The following DROSHA variants were observed in gnomAD, a reference collection of about 807,000 sequenced individuals.
The protein encoded by DROSHA is ribonuclease 3.
In DROSHA, 56 loss-of-function variants were observed where a neutral mutation model predicts 181.9. The observed-to-expected ratio is 0.31, with a 90% confidence interval of 0.25 to 0.38. The LOEUF (loss-of-function observed/expected upper bound fraction) is 0.38. Ranked by LOEUF, DROSHA falls within the 10% of genes least tolerant of loss-of-function variation. The pLI is 1.00. For synonymous variants in DROSHA, 524 were observed against 591.2 expected (o/e 0.89, Z 1.65); for missense variants, 1,218 against 1,743.5 (o/e 0.70, Z 5.37).
At chr5:31,457,317 G>A (rs574017568) in intron 20 of DROSHA, among the ~76,000 whole-genome samples, 12 of 151,914 alleles carry the variant, frequency 7.9e-5, no homozygotes, top group Admixed American at 2.6e-4. Flanking sequence ...TAGAGACAGC[G>A]TTTCACCATG....
At chr5:31,436,285 A>G (rs1463295377) in intron 24 of DROSHA, among the ~76,000 whole-genome samples, 1 of 152,184 alleles carries the variant, frequency 6.6e-6, no homozygotes, top group Admixed American at 6.5e-5. Context: ...AATAACCTAA[A>G]GAGAATAAAA....
intron 11 of DROSHA, among the ~76,000 whole-genome samples, chr5:31,499,099 G>A (rs941496534): frequency 2.0e-5 from 3 of 152,136 alleles, no homozygotes; most frequent in Non-Finnish European, 4.4e-5. Context: ...CCTCAGGCAC[G>A]GTCCACATCA....
chr5:31,404,059 A>G (rs1305082527), intron 35 of DROSHA, among the ~76,000 whole-genome samples: 4 of 150,774 alleles, frequency 2.7e-5, no homozygotes, highest in South Asian at 2.1e-4. Flanking sequence ...CTAGCACTAT[A>G]AGTGCATGCC....
In DROSHA at chr5:31,409,302, T is replaced by A; in HGVS notation, c.3698A>T (p.Asp1233Val). ...SFIAALYIDK[D>V]LEYVHTFMNV... ...CATGAAAGTATGAACATATTCCAAA[T>A]CCTTATCAATGTACAGCGCTGCAAT... The change falls in exon 32 of 36, where the codon GAT becomes GTT. Residue 1233 changes from aspartate (D) to valine (V), a missense_variant. Coordinates refer to ENST00000344624, the MANE Select transcript of DROSHA (RefSeq NM_001382508.1). The surrounding 1 kb of genome is among the most constrained non-coding windows in gnomAD (Gnocchi z 4.0). The A allele has an allele frequency of 6.3e-7, 1 of 1,587,330 alleles. No individual in the cohort carries two copies. Among genetic ancestry groups the A allele is most frequent in the Non-Finnish European group, 8.6e-7 (1 of 1,165,750 alleles).
chr5:31,506,398 C>T (rs1463855859), intron 10 of DROSHA, among the ~76,000 whole-genome samples: 1 of 150,456 alleles, frequency 6.6e-6, no homozygotes, highest in Non-Finnish European at 1.5e-5. Flanking sequence ...ACTCCTAAGG[C>T]CAGGTGCAAT....
intron 4 of DROSHA, among the ~76,000 whole-genome samples, chr5:31,527,788 G>C (rs575275032): frequency 6.6e-6 from 1 of 152,206 alleles, no homozygotes; most frequent in African/African-American, 2.4e-5. Flanking sequence ...AATGTTTACT[G>C]TTTAAGTTAC....
chr5:31,523,381 C>T (rs925287863), intron 5 of DROSHA, among the ~76,000 whole-genome samples: 11 of 152,170 alleles, frequency 7.2e-5, no homozygotes, highest in South Asian at 2.1e-4. Context: ...GTAATTCTTA[C>T]GACACTTGAT....
chr5:31,491,551 G>A (rs143758052), intron 13 of DROSHA, among the ~76,000 whole-genome samples: 75 of 152,230 alleles, frequency 4.9e-4, no homozygotes, highest in African/African-American at 1.7e-3. Flanking sequence ...ATAGTTTTAA[G>A]TATTTTCACG....
chr5:31,502,354 G>T (rs1753663298), intron 11 of DROSHA, among the ~76,000 whole-genome samples: 2 of 152,226 alleles, frequency 1.3e-5, no homozygotes, highest in African/African-American at 4.8e-5. Context: ...GAATCACAAT[G>T]CTGGTCCCTG....
intron 30 of DROSHA, among the ~76,000 whole-genome samples, chr5:31,419,577 G>C (rs1398869228): frequency 6.6e-6 from 1 of 151,170 alleles, no homozygotes; most frequent in Non-Finnish European, 1.5e-5. Context: ...GTGGGGGAGT[G>C]GGGTGGGAGG....
chr5:31,463,388 A>G (rs1359537254), intron 20 of DROSHA, among the ~76,000 whole-genome samples: 1 of 152,198 alleles, frequency 6.6e-6, no homozygotes, highest in Non-Finnish European at 1.5e-5. Flanking sequence ...AAAATTCATT[A>G]TGATGAAATG....
intron 11 of DROSHA, among the ~76,000 whole-genome samples, chr5:31,503,654 T>C (rs904513981): frequency 6.6e-6 from 1 of 152,138 alleles, no homozygotes; most frequent in African/African-American, 2.4e-5. Context: ...CAGACCCACA[T>C]CACAGGTGAA....
chr5:31,526,838 G>A lies in DROSHA; in HGVS notation c.95C>T (p.Pro32Leu), dbSNP rs202053700. ...CCTCAGATTTTGGGGCCTAAAGGATGGTGCTGAGGGTCTGGCTCCATGTCC... is the reference window on the plus strand; with the variant it reads ...CCTCAGATTTTGGGGCCTAAAGGATAGTGCTGAGGGTCTGGCTCCATGTCC... ...RGGHGARPSA[P>L]SFRPQNLRLL... The change falls in exon 5 of 36, where the codon CCA (proline) becomes CTA (leucine). Residue 32 changes from proline (P) to leucine (L), a missense_variant. Pro to Leu is a moderately conservative substitution (Grantham distance 98). This residue lies in a region of DROSHA where 536 missense variants were observed against 535.4 expected (regional missense o/e 1.00). Transcript: ENST00000344624. 242 of 1,613,258 alleles carry A rather than the reference G, an allele frequency of 1.5e-4. No individual in the cohort carries two copies. The highest frequency in any genetic ancestry group is 1.9e-4 in the Non-Finnish European group (224 of 1,179,828).
chr5:31,479,785 C>T (rs1750812860), intron 16 of DROSHA, among the ~76,000 whole-genome samples: 2 of 151,872 alleles, frequency 1.3e-5, no homozygotes, highest in South Asian at 2.1e-4. Context: ...AGCATATGTA[C>T]GTTCACCAAA....
intron 25 of DROSHA, among the ~76,000 whole-genome samples, chr5:31,434,247 C>T (rs984213324): frequency 6.6e-5 from 10 of 152,350 alleles, no homozygotes; most frequent in African/African-American, 2.4e-4. Context: ...ATCCTCCCTA[C>T]AAGTGTTTGA....
chr5:31,524,952 AAGG>A (rs1317846455), intron 5 of DROSHA, among the ~76,000 whole-genome samples: 1 of 152,052 alleles, frequency 6.6e-6, no homozygotes, highest in Non-Finnish European at 1.5e-5. Context: ...CCCAACACTT[AAGG>A]AGGCCGAGGT....
chr5:31,530,889 C>A lies in DROSHA; in HGVS notation c.-138G>T. On this transcript the variant is annotated 5_prime_UTR_variant, in exon 3 of 36. An upstream start codon of the reference 5' UTR is lost. Transcript: ENST00000344624. The stretch of plus-strand genomic sequence containing the variant: ...TTGATGATATGGGTTGATTCACAGT[C>A]ATTTCTGTATCCTTCACATCCCCGG... 1 of 398,578 alleles carries A rather than the reference C, an allele frequency of 2.5e-6. No individual in the cohort carries two copies. Among genetic ancestry groups the A allele is most frequent in the South Asian group, 1.3e-4 (1 of 7,832 alleles). The allele number at this position is 398,578 out of a possible 1,614,324, so 24.7% of individuals were successfully genotyped here.
chr5:31,500,426 C>A (rs1753461862), intron 11 of DROSHA, among the ~76,000 whole-genome samples: 1 of 152,176 alleles, frequency 6.6e-6, no homozygotes. Context: ...GTTGAGAACT[C>A]CCTACCAGCA....
rs1352003379 is a variant in DROSHA at position 31,514,595 on chromosome 5, C to T, written c.1290+393G>A. ...GGAAGATCAAGGCTGCAGTGAGCCA[C>T]GATGGTGCCACTGCACTCCAGCCTG... On this transcript the variant is annotated intron_variant, in intron 8 of 35. Transcript: ENST00000344624. This position sits in a 1 kb window ranked among gnomAD's most constrained non-coding sequence, Gnocchi z 4.4. 4.6e-5 allele frequency among the ~76,000 whole-genome samples: 7 copies of T among 152,068 alleles called. No homozygotes were observed. Among genetic ancestry groups the T allele is most frequent in the African/African-American group, 7.2e-5 (3 of 41,388 alleles).
Sources: allele counts gnomAD v4.1 joint callset (sites outside exome capture counted in the v4.1 genomes callset), GRCh38; gene constraint gnomAD v4.1.1; regional missense constraint gnomAD v4.1.1; non-coding constraint Gnocchi (gnomAD v3.1); transcripts MANE v1.5; gene names NCBI Gene and HGNC (gene_info 2026-07-23, HGNC 2026-07-21).